The following DNAH12 variants were observed in gnomAD, a reference collection of about 807,000 sequenced individuals.
The protein encoded by DNAH12 is axonemal beta dynein heavy chain 12.
In DNAH12, 285 loss-of-function variants were observed where a neutral mutation model predicts 371.5. The ratio of observed to expected loss-of-function variants is 0.77; its 90% CI spans 0.70 to 0.85. The LOEUF (loss-of-function observed/expected upper bound fraction) is 0.85. DNAH12 is among the 40% of genes least tolerant of loss of function. DNAH12 has a pLI of 0.00. For missense variants in DNAH12, 3,611 were observed against 3,689.4 expected (o/e 0.98, Z 0.55); for synonymous variants, 1,200 against 1,213.0 (o/e 0.99, Z 0.22).
At chr3:57,322,260 A>G in intron 65 of DNAH12, 83 bp downstream of exon 65, 1 of 1,340,176 alleles carries the variant, frequency 7.5e-7, no homozygotes, top group African/African-American at 1.5e-5. Context: ...AAATGTTACA[A>G]AAGCATTATT....
intron 11 of DNAH12, among the ~76,000 whole-genome samples, chr3:57,500,388 C>A (rs946326502): frequency 3.3e-5 from 5 of 152,120 alleles, no homozygotes; most frequent in Admixed American, 6.6e-5. Flanking sequence ...ACTTCCACAG[C>A]GAAAAACCTT....
In DNAH12 at chr3:57,454,833, C is replaced by T. The variant is rs1272186704; in HGVS notation, c.3398G>A (p.Cys1133Tyr). Reference protein sequence around the residue: ...VREWPGQVVLCISQMFWTSET... With the variant: ...VREWPGQVVLYISQMFWTSET... Reference sequence around the variant, plus strand: ...AGATGTCCAGAACATTTGAGAAATACAAAGTACAACTTGGCCAGGCCACTC... The same window carrying T: ...AGATGTCCAGAACATTTGAGAAATATAAAGTACAACTTGGCCAGGCCACTC... The change falls in exon 23 of 74, where the codon TGT becomes TAT. Residue 1133 changes from cysteine to tyrosine, a missense_variant. This residue lies in a region of DNAH12 where 1,314 missense variants were observed against 1,398.7 expected (regional missense o/e 0.94). Coordinates refer to ENST00000495027, the MANE Select transcript of DNAH12 (RefSeq NM_001366028.2). The T allele has an allele frequency of 3.2e-6, 5 of 1,551,182 alleles. No homozygotes were observed. The highest frequency in any genetic ancestry group is 4.4e-6 in the Non-Finnish European group (5 of 1,146,772).
intron 25 of DNAH12, among the ~76,000 whole-genome samples, chr3:57,449,536 G>C (rs972515603): frequency 2.0e-5 from 3 of 152,244 alleles, no homozygotes; most frequent in African/African-American, 7.2e-5. Context: ...CGCAGCGCTG[G>C]TGGGCTGGCA....
the DNAH12 span, among the ~76,000 whole-genome samples, chr3:57,550,957 C>G: frequency 6.6e-6 from 1 of 150,538 alleles, no homozygotes; most frequent in Admixed American, 6.6e-5. Flanking sequence ...CGGCTCACTG[C>G]AAGCTCCGCT....
At chr3:57,415,148 T>C (rs938746730) in intron 38 of DNAH12, among the ~76,000 whole-genome samples, 1 of 149,852 alleles carries the variant, frequency 6.7e-6, no homozygotes, top group Admixed American at 6.6e-5. Flanking sequence ...TGTGTGAGTG[T>C]GTGTGTGTCT....
At chr3:57,432,458 G>A (rs1018016787) in intron 32 of DNAH12, among the ~76,000 whole-genome samples, 11 of 152,048 alleles carry the variant, frequency 7.2e-5, no homozygotes, top group African/African-American at 2.7e-4. Context: ...GGGATAACAG[G>A]CGTGAGCCAC....
chr3:57,555,255 A>C, the DNAH12 span, among the ~76,000 whole-genome samples: 1 of 152,180 alleles, frequency 6.6e-6, no homozygotes, highest in Non-Finnish European at 1.5e-5. Context: ...AAAATAAAAA[A>C]ATAAAATAAA....
At chr3:57,462,579 C>A (rs1033721615) in intron 18 of DNAH12, 111 bp downstream of exon 18, 1 of 1,276,414 alleles carries the variant, frequency 7.8e-7, no homozygotes, top group Non-Finnish European at 1.0e-6. Flanking sequence ...CACTCTCCCC[C>A]ATCACCTCCC....
chr3:57,499,937 G>A (rs13075946), intron 11 of DNAH12, among the ~76,000 whole-genome samples: 101,393 of 151,482 alleles, frequency 0.67, 34,152 homozygotes, highest in South Asian at 0.75. Context: ...CAATAGAAAG[G>A]GGGAAAATGA....
intron 65 of DNAH12, 68 bp downstream of exon 65, chr3:57,322,275 A>G: frequency 1.4e-6 from 2 of 1,412,668 alleles, no homozygotes; most frequent in Non-Finnish European, 9.3e-7. Context: ...ATTATTAAAC[A>G]AAATTTTACA....
chr3:57,520,075 T>TGGAGCCGCCTGTCG, intron 4 of DNAH12: 1 of 578,184 alleles, frequency 1.7e-6, no homozygotes, highest in Non-Finnish European at 3.1e-6. Context: ...GGCGGCTCTG[T>TGGAGCCGCCTGTCG]GGCTACAGCG....
chr3:57,442,964 A>T (rs2065355544), intron 29 of DNAH12, among the ~76,000 whole-genome samples: 1 of 152,246 alleles, frequency 6.6e-6, no homozygotes, highest in South Asian at 2.1e-4. Context: ...AAGGTGGTTT[A>T]TGAACGCTGA....
chr3:57,448,517 G>A (rs891762660), intron 25 of DNAH12, among the ~76,000 whole-genome samples: 1 of 139,696 alleles, frequency 7.2e-6, no homozygotes, highest in African/African-American at 2.5e-5. Flanking sequence ...TCTTCGCAGT[G>A]AGTGTGACAG....
chr3:57,356,434 C>T (rs1393332893), intron 59 of DNAH12, among the ~76,000 whole-genome samples: 1 of 134,010 alleles, frequency 7.5e-6, no homozygotes, highest in African/African-American at 2.7e-5. Context: ...CAGAGTGAGA[C>T]CTTGTCTCAA....
At chr3:57,499,647 A>AATATATATATATATATATATATATAT (rs1176721728) in intron 11 of DNAH12, among the ~76,000 whole-genome samples, 1 of 17,956 alleles carries the variant, frequency 5.6e-5, no homozygotes, top group African/African-American at 2.1e-4. Flanking sequence ...AAAAAAAAAA[A>AATATATATATATATATATATATATAT]ATATATATAT....
chr3:57,352,589 A>AT (rs2062704514), intron 59 of DNAH12, among the ~76,000 whole-genome samples: 1 of 152,128 alleles, frequency 6.6e-6, no homozygotes, highest in African/African-American at 2.4e-5. Context: ...GGTTTACACC[A>AT]TCTCTCTATT....
rs1355890799 is a variant in DNAH12 at position 57,442,723 on chromosome 3, CATT to C, written c.4545+1971_4545+1973del. ...AGAAAATATTAAAATTTTGTGTTTT[CATT>C]TTGGTGTTTAAAAATCATATTAGCA... On this transcript the variant is annotated intron_variant, in intron 29 of 73. Coordinates refer to ENST00000495027, the MANE Select transcript of DNAH12 (RefSeq NM_001366028.2). 2.9e-3 allele frequency among the ~76,000 whole-genome samples: 449 copies of C among 152,214 alleles called. 1 individual carries two copies. The highest frequency in any genetic ancestry group is 9.4e-3 in the African/African-American group (390 of 41,530).
intron 29 of DNAH12, among the ~76,000 whole-genome samples, chr3:57,437,974 A>G (rs2065180662): frequency 2.0e-5 from 3 of 152,216 alleles, no homozygotes; most frequent in Admixed American, 2.0e-4. Flanking sequence ...CAACCTAGCT[A>G]CCTGAAATAG....
intron 34 of DNAH12, among the ~76,000 whole-genome samples, chr3:57,426,009 G>A (rs559898025): frequency 2.0e-5 from 3 of 152,240 alleles, no homozygotes; most frequent in South Asian, 2.1e-4. Context: ...GGAGGAAAAC[G>A]GGAGAGAGAT....
Sources: allele counts gnomAD v4.1 joint callset (sites outside exome capture counted in the v4.1 genomes callset), GRCh38; gene constraint gnomAD v4.1.1; regional missense constraint gnomAD v4.1.1; transcripts MANE v1.5; gene names NCBI Gene and HGNC (gene_info 2026-07-23, HGNC 2026-07-21).